The following CLSPN variants were observed in gnomAD, a reference collection of about 807,000 sequenced individuals.
CLSPN encodes the protein claspin.
A neutral mutation model predicts 156.3 loss-of-function variants in CLSPN; 85 were observed. That is an observed-to-expected ratio of 0.54 (90% CI 0.46 to 0.65). The LOEUF is 0.65. Among genes scored for constraint, CLSPN ranks in the 30% least tolerant of loss-of-function variants. CLSPN has a pLI of 0.00. For missense variants in CLSPN, 1,407 were observed against 1,554.9 expected, an observed-to-expected ratio of 0.90 and a Z score of 1.60; for synonymous variants, 534 against 542.4, an observed-to-expected ratio of 0.98 and a Z score of 0.22.
chr1:35,769,135 T>A (rs1642773236), intron 1 of CLSPN, among the ~76,000 whole-genome samples: 2 of 152,232 alleles, frequency 1.3e-5, no homozygotes, highest in Non-Finnish European at 2.9e-5. Flanking sequence ...TTTGCATTAA[T>A]TTTGGTTTTT....
At position 35,736,610 on chromosome 1, in the gene CLSPN, G is replaced by C; in HGVS notation, c.3910-4C>G. ...AAGATGGACCCCTTTTCTTTACCTA[G>C]AGAGCAGAGAGGGAGTCAGGGCCAG... On this transcript the variant is annotated splice_region_variant and splice_polypyrimidine_tract_variant and intron_variant, in intron 24 of 24. Coordinates refer to ENST00000318121, the MANE Select transcript of CLSPN (RefSeq NM_022111.4). 1 of 1,607,338 alleles carries C rather than the reference G, an allele frequency of 6.2e-7. No individual in the cohort carries two copies. Among genetic ancestry groups the C allele is most frequent in the Non-Finnish European group, 8.5e-7 (1 of 1,177,916 alleles).
chr1:35,756,569 CTCTCT>C (rs1642276961), intron 8 of CLSPN, among the ~76,000 whole-genome samples: 1 of 152,148 alleles, frequency 6.6e-6, no homozygotes, highest in Non-Finnish European at 1.5e-5. Flanking sequence ...CTCTCATCTC[CTCTCT>C]TAAGTGAAAA....
intron 14 of CLSPN, 143 bp downstream of exon 14, chr1:35,747,764 T>C (rs942736208): frequency 3.3e-5 from 24 of 736,044 alleles, no homozygotes; most frequent in African/African-American, 1.2e-4. Context: ...TTCAAACTTA[T>C]AGAATGTAAT....
chr1:35,738,332 A>T, intron 21 of CLSPN, 123 bp downstream of exon 21: 2 of 991,758 alleles, frequency 2.0e-6, no homozygotes, highest in Non-Finnish European at 3.0e-6. Flanking sequence ...CTCAAGGATT[A>T]AAAGAGATAG....
At chr1:35,765,395 C>T (rs1642637532) in intron 1 of CLSPN, 69 bp from the exon 2 acceptor site, 1 of 1,011,418 alleles carries the variant, frequency 9.9e-7, no homozygotes, top group African/African-American at 1.6e-5. Flanking sequence ...TAATGACACA[C>T]AAATCATCGT....
intron 18 of CLSPN, among the ~76,000 whole-genome samples, chr1:35,741,327 G>A (rs994911033): frequency 2.6e-5 from 4 of 151,718 alleles, no homozygotes; most frequent in South Asian, 2.1e-4. Flanking sequence ...CTTTTTTTGC[G>A]GGGGTCGGGG....
In CLSPN at chr1:35,760,830, C is replaced by G. The variant is rs1204627321; in HGVS notation, c.1091G>C (p.Gly364Ala). 1 of 1,613,912 alleles carries G rather than the reference C, an allele frequency of 6.2e-7. No homozygotes were observed. The highest frequency in any genetic ancestry group is 1.7e-4 in the Middle Eastern group (1 of 6,060). ...TTCTGCACCTGTTGTCTGCTCAGAA[C>G]CTTTACTATGGTGATCACTGTTCAT... ...TEMNSDHHSKGSEQTTGAENE... is the reference protein window; with the variant it reads ...TEMNSDHHSKASEQTTGAENE... Residue 364 changes from glycine (G) to alanine (A), a missense_variant, in exon 8 of 25, where the codon GGT (glycine) becomes GCT (alanine). Physicochemically the swap from Gly to Ala is moderately conservative, Grantham distance 60. This residue lies in a region of CLSPN where 1,096 missense variants were observed against 1,193.0 expected (regional missense o/e 0.92). Transcript: ENST00000318121.
At chr1:35,757,867 C>A (rs1642329834) in intron 8 of CLSPN, among the ~76,000 whole-genome samples, 1 of 152,210 alleles carries the variant, frequency 6.6e-6, no homozygotes, top group African/African-American at 2.4e-5. Context: ...TTCTTTCTGT[C>A]CTTCTCTCCA....
At chr1:35,720,807 A>AC (rs1240115968) in exon 25 of CLSPN, 3 of 962,540 alleles carry the variant, frequency 3.1e-6, no homozygotes, top group South Asian at 3.1e-5. Context: ...TTCTGCCCAG[A>AC]CCACAGAGCC....
At chr1:35,761,631 T>C (rs944320835) in intron 6 of CLSPN, among the ~76,000 whole-genome samples, 2 of 152,168 alleles carry the variant, frequency 1.3e-5, no homozygotes, top group African/African-American at 4.8e-5. Context: ...AGGTAATGTA[T>C]ACAGCGTGAT....
chr1:35,758,758 T>C lies in CLSPN; in HGVS notation c.1579+1584A>G, dbSNP rs370500827. ...CATTTGCATGCATTATTTCAACAAATCTTCACCATAGCCCACAAGTCATAT... is the reference window on the plus strand; with the variant it reads ...CATTTGCATGCATTATTTCAACAAACCTTCACCATAGCCCACAAGTCATAT... On this transcript the variant is annotated intron_variant, in intron 8 of 24. Coordinates refer to ENST00000318121, the MANE Select transcript of CLSPN (RefSeq NM_022111.4). Among the ~76,000 whole-genome samples the C allele has an allele frequency of 3.9e-5, 6 of 151,932 alleles. No individual in the cohort carries two copies. The East Asian group carries it at 1.2e-3, about 29-fold the overall frequency.
rs2148626338 is a variant in CLSPN at position 35,762,451 on chromosome 1, G to A, written c.775C>T (p.His259Tyr). 2 of 1,613,848 alleles carry A rather than the reference G, an allele frequency of 1.2e-6. No individual in the cohort carries two copies. Among genetic ancestry groups the A allele is most frequent in the Non-Finnish European group, 1.7e-6 (2 of 1,179,884 alleles). Residue 259 changes from histidine (H) to tyrosine (Y), a missense_variant, in exon 5 of 25, where the codon CAT (histidine) becomes TAT (tyrosine). By Grantham distance (83) the His-to-Tyr change is moderately conservative (BLOSUM62 2). Transcript: ENST00000318121. Reference sequence around the variant, plus strand: ...AACTCACTTCCTTCCTCAAATGAATGGACCCCACTCTCCAAAGATGGTTCT... The same window carrying A: ...AACTCACTTCCTTCCTCAAATGAATAGACCCCACTCTCCAAAGATGGTTCT... ...KKEPSLESGVHSFEEGSELSK... is the reference protein window; with the variant it reads ...KKEPSLESGVYSFEEGSELSK...
downstream of CLSPN, among the ~76,000 whole-genome samples, chr1:35,727,672 G>A (rs1419776379): frequency 1.3e-5 from 2 of 152,208 alleles, no homozygotes; most frequent in Non-Finnish European, 2.9e-5. Context: ...TCAGATTCAT[G>A]GATTCATTCA....
At chr1:35,728,077 C>CTTTTTTTTTTTTTT (rs59275877), downstream of CLSPN, among the ~76,000 whole-genome samples, 2 of 103,982 alleles carry the variant, frequency 1.9e-5, no homozygotes, top group Non-Finnish European at 1.9e-5. Flanking sequence ...AAACCACAAG[C>CTTTTTTTTTTTTTT]TTTTTTTTTT....
rs573520050 is a variant in CLSPN, at chr1:35,732,529, C to T, written c.*3967G>A. ...AAGAGACCCTAGTATGGCTGTGCAA[C>T]TGTGAATTAATGAGATGAAATTAGA... On this transcript the variant is annotated 3_prime_UTR_variant, in exon 25 of 25. Coordinates refer to ENST00000318121, the MANE Select transcript of CLSPN (RefSeq NM_022111.4). 25 of 985,330 alleles carry T rather than the reference C, an allele frequency of 2.5e-5. 1 individual carries two copies. The South Asian group carries it at 1.1e-3, about 43-fold the overall frequency. 61.0% of individuals were successfully genotyped at this position (985,330 alleles called of 1,614,324 possible). A position where few individuals can be genotyped will look rare whatever the true frequency, so the allele number is the denominator to read the frequency against.
chr1:35,725,434 G>C (rs932142939), intron 24 of CLSPN, among the ~76,000 whole-genome samples: 1 of 152,184 alleles, frequency 6.6e-6, no homozygotes, highest in Non-Finnish European at 1.5e-5. Context: ...AGAAGCTGAA[G>C]TGAAGGAGGA....
chr1:35,726,918 G>A (rs925067187), intron 24 of CLSPN, among the ~76,000 whole-genome samples: 4 of 152,204 alleles, frequency 2.6e-5, no homozygotes, highest in African/African-American at 4.8e-5. Flanking sequence ...AACACCCTAA[G>A]GGAGGTGATC....
Position 35,738,065 on chromosome 1 carries a change from T to C in CLSPN, c.3591A>G (p.Glu1197=). ...ACTGACTGTCCTCCCCAATTTCTTC[T>C]TCTTCTTCAGCTGTAATTTTCCCCT... ...AQQGKITAEE[E]EEIGEDSQFM... is the part of the protein sequence containing the mutation. Residue 1197 remains glutamate (E), a synonymous_variant, in exon 22 of 25, where the codon GAA becomes GAG. Coordinates refer to ENST00000318121, the MANE Select transcript of CLSPN (RefSeq NM_022111.4). 6.9e-7 allele frequency: 1 copy of C among 1,459,772 alleles called. No individual in the cohort carries two copies. Among genetic ancestry groups the C allele is most frequent in the Non-Finnish European group, 9.1e-7 (1 of 1,094,414 alleles). 90.4% of individuals were successfully genotyped at this position (1,459,772 alleles called of 1,614,324 possible). A position where few individuals can be genotyped will look rare whatever the true frequency, so the allele number is the denominator to read the frequency against.
At chr1:35,743,408 C>A in intron 17 of CLSPN, 47 bp downstream of exon 17, 1 of 1,501,696 alleles carries the variant, frequency 6.7e-7, no homozygotes. Context: ...TTGAGGGCAG[C>A]AATACATGGA....
Sources: allele counts gnomAD v4.1 joint callset (sites outside exome capture counted in the v4.1 genomes callset), GRCh38; gene constraint gnomAD v4.1.1; regional missense constraint gnomAD v4.1.1; transcripts MANE v1.5; gene names NCBI Gene and HGNC (gene_info 2026-07-23, HGNC 2026-07-21).